COL23A1: variants seen among roughly 807,000 people sequenced by gnomAD.
COL23A1 encodes the protein collagen alpha-1(XXIII) chain.
A neutral mutation model predicts 99.3 loss-of-function variants in COL23A1; 97 were observed. The observed-to-expected ratio is 0.98, with a 90% CI of 0.83 to 1.16. The LOEUF (loss-of-function observed/expected upper bound fraction) is 1.16. COL23A1 is among the 50% of genes most tolerant of loss of function. The pLI is 0.00. For synonymous variants in COL23A1, 320 were observed against 308.2 expected (o/e 1.04, Z -0.40); for missense variants, 762 against 757.4 (o/e 1.01, Z -0.07).
intron 1 of COL23A1, among the ~76,000 whole-genome samples, chr5:178,578,144 C>T (rs1481309660): frequency 6.6e-6 from 1 of 151,888 alleles, no homozygotes; most frequent in African/African-American, 2.4e-5. Context: ...TGCATGCACA[C>T]ACATGCACAC....
chr5:178,287,989 C>T (rs1341994747), intron 5 of COL23A1, among the ~76,000 whole-genome samples: 1 of 152,208 alleles, frequency 6.6e-6, no homozygotes, highest in Non-Finnish European at 1.5e-5. Flanking sequence ...GTCCTCTGCC[C>T]ACTGGGAAGA....
chr5:178,358,146 ATG>A (rs765474140), intron 2 of COL23A1, among the ~76,000 whole-genome samples: 2,039 of 134,042 alleles, frequency 0.015, 52 homozygotes, highest in African/African-American at 0.055. Context: ...ATGTGTGTGT[ATG>A]TGTATGTGTG....
chr5:178,501,574 C>CAA (rs11343683), intron 2 of COL23A1, among the ~76,000 whole-genome samples: 2 of 100,016 alleles, frequency 2.0e-5, no homozygotes, highest in African/African-American at 3.8e-5. Flanking sequence ...GGCTCTGTCT[C>CAA]AAAAAAAAAA....
At position 178,306,624 on chromosome 5, in the gene COL23A1, C is replaced by T. The variant is rs1279629438; in HGVS notation, c.406+251G>A. Among the ~76,000 whole-genome samples, 2 of 104,042 alleles carry T rather than the reference C, an allele frequency of 1.9e-5. No homozygotes were observed. Among genetic ancestry groups the T allele is most frequent in the Non-Finnish European group, 1.9e-5 (1 of 51,434 alleles). The allele number at this position is 104,042 out of a possible 152,430, so 68.3% of individuals were successfully genotyped here. A position where few individuals can be genotyped will look rare whatever the true frequency, so the allele number is the denominator to read the frequency against. ...GGAGTGGGGGACTAGGGGCCAACAA[C>T]GAGGTTCGGGGGATGACTGGGGGCA... On this transcript the variant is annotated intron_variant, in intron 3 of 28. Coordinates refer to ENST00000390654, the MANE Select transcript of COL23A1 (RefSeq NM_173465.4). The surrounding 1 kb of genome is among the most constrained non-coding windows in gnomAD (Gnocchi z 4.1).
chr5:178,263,161 G>A, intron 9 of COL23A1, 47 bp downstream of exon 9: 1 of 1,348,618 alleles, frequency 7.4e-7, no homozygotes, highest in Non-Finnish European at 1.1e-6. Flanking sequence ...TCAGGATTTG[G>A]GGTTTTGGTC....
chr5:178,552,255 T>TA (rs1762036759), intron 2 of COL23A1, among the ~76,000 whole-genome samples: 1 of 152,126 alleles, frequency 6.6e-6, no homozygotes. Context: ...TCTTAGTCAA[T>TA]AGCTCCCCCA....
intron 2 of COL23A1, among the ~76,000 whole-genome samples, chr5:178,473,132 C>A (rs892030388): frequency 1.5e-4 from 22 of 151,056 alleles, no homozygotes; most frequent in Admixed American, 2.6e-4. Flanking sequence ...GCCATCCCCC[C>A]AAAAAAAATC....
rs934320118 is a variant in COL23A1, at chr5:178,262,073, T to C, written c.675+144A>G. 9 of 918,796 alleles carry C rather than the reference T, an allele frequency of 9.8e-6. No individual in the cohort carries two copies. In the Admixed American group the frequency reaches 2.0e-4, roughly 21 times the overall value. 56.9% of individuals were successfully genotyped at this position (918,796 alleles called of 1,614,324 possible). A position where few individuals can be genotyped will look rare whatever the true frequency, so the allele number is the denominator to read the frequency against. On this transcript the variant is annotated intron_variant, in intron 10 of 28. Transcript: ENST00000390654. ...GCAGGTGCACAGGGGTCCACACACA[T>C]GCAGACACGTACATGCAGAGGCGCG...
intron 2 of COL23A1, among the ~76,000 whole-genome samples, chr5:178,390,293 T>G (rs1763898508): frequency 6.6e-6 from 1 of 152,186 alleles, no homozygotes; most frequent in African/African-American, 2.4e-5. Context: ...CTGGATCATG[T>G]GGGATGTACG....
At chr5:178,320,123 T>C (rs1324728087) in intron 2 of COL23A1, among the ~76,000 whole-genome samples, 2 of 152,264 alleles carry the variant, frequency 1.3e-5, no homozygotes, top group African/African-American at 4.8e-5. Flanking sequence ...TTTTCCTCTT[T>C]TATCTTCTTC....
intron 2 of COL23A1, among the ~76,000 whole-genome samples, chr5:178,389,017 C>T (rs901207511): frequency 6.6e-6 from 1 of 152,158 alleles, no homozygotes; most frequent in African/African-American, 2.4e-5. Flanking sequence ...TTGGGGATCA[C>T]TAACTAAAGG....
intron 17 of COL23A1, among the ~76,000 whole-genome samples, chr5:178,251,925 T>TTTTC (rs1554125608): frequency 3.5e-5 from 5 of 142,792 alleles, no homozygotes; most frequent in African/African-American, 1.3e-4. Flanking sequence ...TTTTTTTTTT[T>TTTTC]ATTTTGAGAC....
intron 2 of COL23A1, among the ~76,000 whole-genome samples, chr5:178,327,624 C>T (rs765556551): frequency 2.4e-4 from 36 of 152,102 alleles, no homozygotes; most frequent in Non-Finnish European, 4.0e-4. Flanking sequence ...GGGGCTCAGG[C>T]GACTGGAGGG....
chr5:178,554,292 C>T (rs1762156287), intron 2 of COL23A1, among the ~76,000 whole-genome samples: 1 of 152,256 alleles, frequency 6.6e-6, no homozygotes, highest in East Asian at 1.9e-4. Flanking sequence ...AATCCTCCTG[C>T]CTCAGCCTCC....
intron 3 of COL23A1, among the ~76,000 whole-genome samples, chr5:178,292,170 T>G (rs2127588468): frequency 6.6e-6 from 1 of 152,142 alleles, no homozygotes; most frequent in Admixed American, 6.5e-5. Context: ...TGTACCTGCC[T>G]TTCCACCTGC....
chr5:178,495,673 G>A (rs536032921), intron 2 of COL23A1, among the ~76,000 whole-genome samples: 1 of 152,204 alleles, frequency 6.6e-6, no homozygotes, highest in South Asian at 2.1e-4. Flanking sequence ...GTGGGAAGGG[G>A]GAGGAAGGAG....
rs139833700 is a variant in COL23A1, at chr5:178,247,262, C to T, written c.1296+264G>A. ...GACAAGCAGTGGAAACGGTGGTGGA[C>T]CTGAGGAGGAGAGAGGGACAGACTG... On this transcript the variant is annotated intron_variant, in intron 22 of 28. Coordinates refer to ENST00000390654, the MANE Select transcript of COL23A1 (RefSeq NM_173465.4). Among the ~76,000 whole-genome samples, 1,203 of 152,008 alleles carry T rather than the reference C, an allele frequency of 7.9e-3. 11 individuals are homozygous for T. Among genetic ancestry groups the T allele is most frequent in the Non-Finnish European group, 0.013 (880 of 67,972 alleles).
At chr5:178,524,003 G>T (rs780646360) in intron 2 of COL23A1, among the ~76,000 whole-genome samples, 13 of 152,180 alleles carry the variant, frequency 8.5e-5, no homozygotes, top group Non-Finnish European at 1.3e-4. Context: ...ACCTCCACAG[G>T]AATGAGCGTC....
intron 9 of COL23A1, among the ~76,000 whole-genome samples, chr5:178,262,781 C>T (rs553847576): frequency 6.6e-6 from 1 of 152,080 alleles, no homozygotes; most frequent in Non-Finnish European, 1.5e-5. Context: ...GGGATTGCAA[C>T]TAAGGTCAGC....
Sources: allele counts gnomAD v4.1 joint callset (sites outside exome capture counted in the v4.1 genomes callset), GRCh38; gene constraint gnomAD v4.1.1; non-coding constraint Gnocchi (gnomAD v3.1); transcripts MANE v1.5; gene names NCBI Gene and HGNC (gene_info 2026-07-23, HGNC 2026-07-21).